The following RBFOX1 variants were observed in gnomAD, a reference collection of about 807,000 sequenced individuals.
The protein encoded by RBFOX1 is RNA binding fox-1 homolog 1.
RBFOX1 carries 8 observed loss-of-function variants against 57.7 expected under a neutral mutation model. That is an observed-to-expected ratio of 0.14 (90% CI 0.08 to 0.25). The LOEUF is 0.25. Ranked by LOEUF, RBFOX1 falls within the 10% of genes least tolerant of loss-of-function variation. RBFOX1 has a pLI of 1.00. For synonymous variants in RBFOX1, 326 were observed against 222.4 expected (o/e 1.47, Z -4.15); for missense variants, 611 against 548.5 (o/e 1.11, Z -1.14).
intron 3 of RBFOX1, among the ~76,000 whole-genome samples, chr16:5,674,126 A>G (rs1382518528): frequency 6.6e-6 from 1 of 152,248 alleles, no homozygotes; most frequent in Non-Finnish European, 1.5e-5. Flanking sequence ...CACAGCAGAT[A>G]TAAGCCCTGT....
intron 3 of RBFOX1, among the ~76,000 whole-genome samples, chr16:7,034,724 C>A (rs1359931041): frequency 2.6e-5 from 4 of 151,494 alleles, no homozygotes; most frequent in South Asian, 4.2e-4. Context: ...ACATCAGTGC[C>A]CCTGTAGATT....
intron 2 of RBFOX1, among the ~76,000 whole-genome samples, chr16:5,553,767 A>T (rs892629719): frequency 2.6e-5 from 4 of 151,610 alleles, no homozygotes; most frequent in Non-Finnish European, 4.4e-5. Flanking sequence ...ATACATGTGA[A>T]ACCTCATACC....
chr16:7,429,688 A>G (rs908713444), intron 4 of RBFOX1, among the ~76,000 whole-genome samples: 1 of 152,214 alleles, frequency 6.6e-6, no homozygotes, highest in East Asian at 1.9e-4. Context: ...TGGCAAAGGT[A>G]GATAATATAT....
intron 2 of RBFOX1, among the ~76,000 whole-genome samples, chr16:6,435,255 C>T (rs1394921672): frequency 6.6e-6 from 1 of 152,040 alleles, no homozygotes; most frequent in East Asian, 1.9e-4. Context: ...TGTTTTGTGT[C>T]ATTGCTAGCA....
intron 3 of RBFOX1, among the ~76,000 whole-genome samples, chr16:7,022,158 G>T (rs998484370): frequency 6.7e-6 from 1 of 148,872 alleles, no homozygotes; most frequent in Non-Finnish European, 1.5e-5. Flanking sequence ...TGCCTCCTGG[G>T]TTATAAATGA....
intron 4 of RBFOX1, among the ~76,000 whole-genome samples, chr16:7,497,669 A>T (rs1344043454): frequency 2.6e-5 from 4 of 152,228 alleles, no homozygotes; most frequent in Admixed American, 2.0e-4. Context: ...CATAGTCAAA[A>T]ACTACATTTC....
At chr16:7,642,759 T>C (rs2063058295) in intron 11 of RBFOX1, among the ~76,000 whole-genome samples, 1 of 152,172 alleles carries the variant, frequency 6.6e-6, no homozygotes, top group Non-Finnish European at 1.5e-5. Flanking sequence ...AACTAATAGA[T>C]GATGACGAAC....
At chr16:6,786,157 G>T (rs1385333155) in intron 3 of RBFOX1, among the ~76,000 whole-genome samples, 1 of 152,104 alleles carries the variant, frequency 6.6e-6, no homozygotes, top group Non-Finnish European at 1.5e-5. Context: ...TGGAGTTCGG[G>T]GGCCAGGCGA....
rs918271616 is a variant in RBFOX1, at chr16:6,605,110, G to A, written c.-63-49493G>A. On this transcript the variant is annotated intron_variant, in intron 2 of 15. Transcript: ENST00000550418. ...ACAAATTAGCTGGGCACAGTGGTGC[G>A]CACCTGTAGTCTCAGCTACTCGGGA... Among the ~76,000 whole-genome samples the A allele has an allele frequency of 2.6e-5, 4 of 152,078 alleles. No individual in the cohort carries two copies. The East Asian group carries it at 5.8e-4, about 22-fold the overall frequency.
chr16:7,152,191 G>C (rs892550394), intron 4 of RBFOX1, among the ~76,000 whole-genome samples: 4 of 152,182 alleles, frequency 2.6e-5, no homozygotes, highest in Admixed American at 6.5e-5. Flanking sequence ...GTTAGAAGGA[G>C]AGTGAATTTT....
intron 3 of RBFOX1, among the ~76,000 whole-genome samples, chr16:5,864,823 T>C (rs1013807971): frequency 4.6e-5 from 7 of 152,188 alleles, no homozygotes; most frequent in Admixed American, 2.6e-4. Context: ...CTTTAGCTAG[T>C]GGGCAATCAT....
At chr16:5,439,097 A>T (rs56080341) in intron 1 of RBFOX1, among the ~76,000 whole-genome samples, 2 of 151,322 alleles carry the variant, frequency 1.3e-5, no homozygotes, top group East Asian at 3.9e-4. Flanking sequence ...TTAAGTAGAG[A>T]CTTGTATCTT....
chr16:5,317,073 G>A (rs1193110455), intron 1 of RBFOX1, among the ~76,000 whole-genome samples: 5 of 152,122 alleles, frequency 3.3e-5, no homozygotes, highest in Non-Finnish European at 7.4e-5. Flanking sequence ...GGGCTCTCAG[G>A]CCTTTGGACT....
chr16:6,652,878 C>G lies in RBFOX1; in HGVS notation c.-63-1725C>G, dbSNP rs76151645. 2.6e-3 allele frequency among the ~76,000 whole-genome samples: 392 copies of G among 152,252 alleles called. 2 individuals carry two copies. The highest frequency in any genetic ancestry group is 8.6e-3 in the African/African-American group (356 of 41,542). ...GTATGGGTAATGCCCCAGAACTGTG[C>G]ACCTACCATGGTAAAATTGTTAATG... On this transcript the variant is annotated intron_variant, in intron 2 of 15. Transcript: ENST00000550418.
At chr16:6,001,349 T>C (rs2060596529) in intron 4 of RBFOX1, among the ~76,000 whole-genome samples, 1 of 152,212 alleles carries the variant, frequency 6.6e-6, no homozygotes, top group South Asian at 2.1e-4. Flanking sequence ...CAAGTGTCTT[T>C]ATTGCCAGTA....
At chr16:6,999,555 A>G (rs1477979237) in intron 3 of RBFOX1, among the ~76,000 whole-genome samples, 2 of 152,094 alleles carry the variant, frequency 1.3e-5, no homozygotes, top group Non-Finnish European at 2.9e-5. Context: ...ACACAAAAGT[A>G]GAATAGTATA....
At chr16:7,125,669 G>A (rs191257159) in intron 4 of RBFOX1, among the ~76,000 whole-genome samples, 2 of 152,220 alleles carry the variant, frequency 1.3e-5, no homozygotes, top group Admixed American at 1.3e-4. Flanking sequence ...CAGCAGCAAT[G>A]AGTTATTTGC....
At chr16:6,869,308 C>T (rs1307910625) in intron 3 of RBFOX1, among the ~76,000 whole-genome samples, 2 of 152,106 alleles carry the variant, frequency 1.3e-5, no homozygotes, top group Non-Finnish European at 2.9e-5. Flanking sequence ...TTATATCTTG[C>T]CACTGCCAGA....
intron 1 of RBFOX1, among the ~76,000 whole-genome samples, chr16:5,454,768 TCTTTCTTTC>T (rs2068532333): frequency 6.0e-5 from 1 of 16,720 alleles, no homozygotes; most frequent in African/African-American, 3.1e-4. Context: ...TCTTTCTTTC[TCTTTCTTTC>T]TTTCTTTCTT....
Sources: gnomAD v4.1 joint callset for allele counts (sites outside exome capture counted in the v4.1 genomes callset) on GRCh38, gnomAD v4.1.1 for gene constraint, MANE v1.5 for transcripts, NCBI Gene and HGNC (gene_info 2026-07-23, HGNC 2026-07-21) for gene names.